DPP10: variants seen among roughly 807,000 people sequenced by gnomAD.
DPP10 encodes inactive dipeptidyl peptidase 10.
In DPP10, 33 loss-of-function variants were observed where a neutral mutation model predicts 120.9. That is an observed-to-expected ratio of 0.27 (90% confidence interval 0.21 to 0.37). The LOEUF is 0.37. DPP10 is among the 10% of genes least tolerant of loss of function. The pLI is 1.00. For synonymous variants in DPP10, 337 were observed against 326.1 expected (o/e 1.03, Z -0.36); for missense variants, 816 against 942.8 (o/e 0.87, Z 1.76).
At chr2:115,374,806 C>T (rs2065667341) in intron 3 of DPP10, among the ~76,000 whole-genome samples, 1 of 152,164 alleles carries the variant, frequency 6.6e-6, no homozygotes, top group African/African-American at 2.4e-5. Context: ...ACATTGGTTT[C>T]TTTTAGCTAT....
At chr2:115,385,222 C>T (rs2066832512) in intron 3 of DPP10, among the ~76,000 whole-genome samples, 2 of 152,130 alleles carry the variant, frequency 1.3e-5, no homozygotes, top group African/African-American at 2.4e-5. Context: ...AGGGGTCCTG[C>T]CCCATACCTG....
chr2:115,221,399 G>T (rs1251558270), intron 1 of DPP10, among the ~76,000 whole-genome samples: 1 of 152,034 alleles, frequency 6.6e-6, no homozygotes, highest in Non-Finnish European at 1.5e-5. Flanking sequence ...ACTAAAGCAG[G>T]GTTCGGCAAA....
Position 115,814,802 on chromosome 2 carries a change from A to G in DPP10, c.1710A>G (p.Glu570=). 6.5e-7 allele frequency: 1 copy of G among 1,544,572 alleles called. No individual in the cohort carries two copies. Among genetic ancestry groups the G allele is most frequent in the African/African-American group, 1.3e-5 (1 of 74,298 alleles). ...QYALLLIMDE[E]PGGQLVTDKF... is the part of the protein sequence containing the mutation. ...ATGTTGGTATTTGCAGGGATGAAGA[A>G]CCAGGAGGCCAGCTGGTTACAGATA... is the stretch of plus-strand genomic sequence containing the variant. The change falls in exon 20 of 26, where the codon GAA becomes GAG. Residue 570 remains glutamate (E), a synonymous_variant. Transcript: ENST00000410059.
chr2:115,400,150 C>CA (rs2067964043), intron 3 of DPP10, among the ~76,000 whole-genome samples: 1 of 152,016 alleles, frequency 6.6e-6, no homozygotes, highest in Non-Finnish European at 1.5e-5. Context: ...CATGAAGCAC[C>CA]ACCCCCATGA....
At chr2:114,496,535 A>C (rs1297487348) in intron 1 of DPP10, among the ~76,000 whole-genome samples, 1 of 152,120 alleles carries the variant, frequency 6.6e-6, no homozygotes, top group Non-Finnish European at 1.5e-5. Flanking sequence ...GTAGAAGTGC[A>C]AGAAGTCTCT....
intron 1 of DPP10, among the ~76,000 whole-genome samples, chr2:115,168,154 G>T (rs982052841): frequency 6.6e-6 from 1 of 151,908 alleles, no homozygotes; most frequent in Non-Finnish European, 1.5e-5. Flanking sequence ...TAAGTCAAAA[G>T]ACTTTTTCAC....
intron 1 of DPP10, among the ~76,000 whole-genome samples, chr2:114,714,585 A>C (rs1007598065): frequency 4.6e-5 from 7 of 152,002 alleles, no homozygotes; most frequent in African/African-American, 1.7e-4. Flanking sequence ...TGGCCCAAAA[A>C]CCTGGTCTGG....
chr2:114,854,015 C>T (rs549858072), intron 1 of DPP10, among the ~76,000 whole-genome samples: 5 of 152,242 alleles, frequency 3.3e-5, no homozygotes, highest in East Asian at 1.9e-4. Context: ...CTGGAAACTA[C>T]GTAAGATAAT....
chr2:114,836,508 G>T (rs1279996016), intron 1 of DPP10, among the ~76,000 whole-genome samples: 1 of 152,186 alleles, frequency 6.6e-6, no homozygotes, highest in Non-Finnish European at 1.5e-5. Flanking sequence ...CGAATAGCGT[G>T]TGGGTCACAA....
intron 1 of DPP10, among the ~76,000 whole-genome samples, chr2:114,605,694 A>T (rs1246897767): frequency 6.6e-6 from 1 of 152,138 alleles, no homozygotes; most frequent in Non-Finnish European, 1.5e-5. Flanking sequence ...ACTGTAATCA[A>T]GACCTGACAA....
At chr2:115,537,625 G>T (rs371905696) in intron 5 of DPP10, among the ~76,000 whole-genome samples, 1 of 150,352 alleles carries the variant, frequency 6.7e-6, no homozygotes, top group East Asian at 2.0e-4. Context: ...CATACTTTGG[G>T]CAGTAGTATA....
At chr2:114,525,327 G>A (rs966048283) in intron 1 of DPP10, among the ~76,000 whole-genome samples, 1 of 152,182 alleles carries the variant, frequency 6.6e-6, no homozygotes, top group Non-Finnish European at 1.5e-5. Context: ...ATTTGGTAAA[G>A]AGGCCCTCTT....
intron 3 of DPP10, among the ~76,000 whole-genome samples, chr2:115,447,762 C>A (rs708650): frequency 0.83 from 125,946 of 152,154 alleles, 55,192 homozygotes; most frequent in Non-Finnish European, 0.97. Context: ...CAGAACTCTG[C>A]GTCAATTAAA....
intron 5 of DPP10, among the ~76,000 whole-genome samples, chr2:115,532,845 T>A (rs1161522180): frequency 6.6e-6 from 1 of 151,982 alleles, no homozygotes; most frequent in Admixed American, 6.6e-5. Flanking sequence ...TTCTGAGTCA[T>A]GTATATAAAT....
chr2:114,578,372 A>G (rs1690229407), intron 1 of DPP10, among the ~76,000 whole-genome samples: 1 of 152,168 alleles, frequency 6.6e-6, no homozygotes, highest in South Asian at 2.1e-4. Flanking sequence ...TTATATAGGT[A>G]GCTTATTTTT....
At chr2:114,525,796 T>C (rs1291418376) in intron 1 of DPP10, among the ~76,000 whole-genome samples, 2 of 152,220 alleles carry the variant, frequency 1.3e-5, no homozygotes, top group African/African-American at 4.8e-5. Flanking sequence ...AGTATCTTTA[T>C]TTAGCAAATA....
At chr2:115,392,995 T>G in intron 3 of DPP10, among the ~76,000 whole-genome samples, 1 of 152,198 alleles carries the variant, frequency 6.6e-6, no homozygotes, top group East Asian at 1.9e-4. Flanking sequence ...TTGTCATTTA[T>G]ATTATTTCTA....
At chr2:115,749,557 C>T (rs979332491) in intron 10 of DPP10, among the ~76,000 whole-genome samples, 5 of 152,180 alleles carry the variant, frequency 3.3e-5, no homozygotes, top group African/African-American at 1.2e-4. Context: ...TCTTACTCTT[C>T]CAAGGAGTAT....
At chr2:115,673,323 A>G (rs933688265) in intron 5 of DPP10, among the ~76,000 whole-genome samples, 6 of 152,338 alleles carry the variant, frequency 3.9e-5, no homozygotes, top group Admixed American at 3.3e-4. Context: ...ACCACATATC[A>G]GTGAGTTAAT....
Sources: allele counts gnomAD v4.1 joint callset (sites outside exome capture counted in the v4.1 genomes callset), GRCh38; gene constraint gnomAD v4.1.1; transcripts MANE v1.5; gene names NCBI Gene and HGNC (gene_info 2026-07-23, HGNC 2026-07-21).